Variants in ZFHX3 observed in about 807,000 individuals in gnomAD.
ZFHX3 encodes the protein zinc finger homeobox protein 3.
In ZFHX3, 42 loss-of-function variants were observed where a neutral mutation model predicts 279.1. That is an observed-to-expected ratio of 0.15 (90% confidence interval 0.12 to 0.19). The LOEUF is 0.19. Among genes scored for constraint, ZFHX3 ranks in the 10% least tolerant of loss-of-function variants. The probability of loss-of-function intolerance (pLI) is 1.00; values close to 1 mark genes in which losing one functional copy is unlikely to be tolerated. For synonymous variants in ZFHX3, 2,293 were observed against 1,957.8 expected (o/e 1.17, Z -4.52); for missense variants, 4,981 against 4,754.0 (o/e 1.05, Z -1.40).
At chr16:72,961,260 C>T (rs911333000) in intron 1 of ZFHX3, among the ~76,000 whole-genome samples, 3 of 152,330 alleles carry the variant, frequency 2.0e-5, no homozygotes, top group African/African-American at 2.4e-5. Flanking sequence ...AGTTATTAGT[C>T]GCTACCCAAC....
chr16:73,679,745 G>A (rs2052991005), intron 2 of ZFHX3: 1 of 152,118 alleles, frequency 6.6e-6, no homozygotes, highest in Non-Finnish European at 1.5e-5. Flanking sequence ...ATGCAACTAT[G>A]AGCCATCATG....
intron 7 of ZFHX3, among the ~76,000 whole-genome samples, chr16:72,808,480 C>T (rs1015651907): frequency 1.3e-5 from 2 of 152,246 alleles, no homozygotes; most frequent in Non-Finnish European, 2.9e-5. Context: ...CTCATCCTTG[C>T]ATATACATCT....
At chr16:73,739,572 T>C (rs1286736994) in intron 1 of ZFHX3, among the ~76,000 whole-genome samples, 1 of 152,154 alleles carries the variant, frequency 6.6e-6, no homozygotes, top group East Asian at 1.9e-4. Flanking sequence ...ACCTTGGTTG[T>C]TCCTGCTTCC....
upstream of ZFHX3, among the ~76,000 whole-genome samples, chr16:73,063,168 G>A (rs1965707467): frequency 6.6e-6 from 1 of 152,196 alleles, no homozygotes; most frequent in Non-Finnish European, 1.5e-5. Context: ...CGCCGCCACC[G>A]GCGGCCTCTG....
intron 4 of ZFHX3, among the ~76,000 whole-genome samples, chr16:73,309,003 G>A (rs910389683): frequency 6.6e-6 from 1 of 152,078 alleles, no homozygotes; most frequent in Non-Finnish European, 1.5e-5. Context: ...GGTTTATATA[G>A]AAAACAAGAA....
intron 3 of ZFHX3, among the ~76,000 whole-genome samples, chr16:73,424,700 G>A (rs920366216): frequency 7.2e-6 from 1 of 138,004 alleles, no homozygotes; most frequent in African/African-American, 2.8e-5. Context: ...GCTGCAGTGA[G>A]CTATGATTGC....
At chr16:72,826,874 G>A (rs1018781087) in intron 5 of ZFHX3, among the ~76,000 whole-genome samples, 7 of 152,240 alleles carry the variant, frequency 4.6e-5, no homozygotes, top group East Asian at 3.9e-4. Context: ...CTCATTTTAC[G>A]TCTTTTAGTA....
chr16:72,885,954 T>C (rs776396554), intron 4 of ZFHX3, among the ~76,000 whole-genome samples: 3 of 152,138 alleles, frequency 2.0e-5, no homozygotes, highest in Non-Finnish European at 4.4e-5. Flanking sequence ...TCCTGACCCT[T>C]ATGTTAAAGA....
chr16:73,583,272 C>A (rs2051880435), intron 2 of ZFHX3, among the ~76,000 whole-genome samples: 1 of 151,996 alleles, frequency 6.6e-6, no homozygotes, highest in African/African-American at 2.4e-5. Context: ...TGAAACAAAC[C>A]TAGAAAATCT....
intron 1 of ZFHX3, among the ~76,000 whole-genome samples, chr16:73,871,062 C>A (rs1378792333): frequency 6.6e-6 from 1 of 152,100 alleles, no homozygotes; most frequent in Non-Finnish European, 1.5e-5. Flanking sequence ...GTGGGTCAGA[C>A]GGATGAGAAT....
At chr16:72,913,986 C>G (rs1190627455) in intron 3 of ZFHX3, among the ~76,000 whole-genome samples, 1 of 152,192 alleles carries the variant, frequency 6.6e-6, no homozygotes, top group Non-Finnish European at 1.5e-5. Context: ...ACAATCCTCC[C>G]AAATGACAGT....
intron 1 of ZFHX3, among the ~76,000 whole-genome samples, chr16:73,788,052 G>A (rs1567410764): frequency 6.6e-6 from 1 of 152,090 alleles, no homozygotes; most frequent in South Asian, 2.1e-4. Flanking sequence ...CACTCTGGGA[G>A]CTAAAAAACA....
intron 1 of ZFHX3, among the ~76,000 whole-genome samples, chr16:72,992,164 T>C (rs1963118227): frequency 6.6e-6 from 1 of 152,042 alleles, no homozygotes. Flanking sequence ...AGTATCCATC[T>C]CCCTCCTTGC....
chr16:73,713,832 C>T (rs2053388810), intron 1 of ZFHX3, among the ~76,000 whole-genome samples: 1 of 152,048 alleles, frequency 6.6e-6, no homozygotes, highest in South Asian at 2.1e-4. Flanking sequence ...ATAGATTTCC[C>T]CCAAAGTTGT....
At chr16:73,189,854 G>A (rs1229889831) in intron 5 of ZFHX3, among the ~76,000 whole-genome samples, 1 of 152,174 alleles carries the variant, frequency 6.6e-6, no homozygotes, top group African/African-American at 2.4e-5. Flanking sequence ...AGTGCTTTAG[G>A]AGGCTGAGGC....
At chr16:73,589,428 G>A (rs892238017) in intron 2 of ZFHX3, among the ~76,000 whole-genome samples, 8 of 100,048 alleles carry the variant, frequency 8.0e-5, no homozygotes, top group South Asian at 4.6e-4. Flanking sequence ...AGAGCAAGAC[G>A]CTCTTTCAAA....
chr16:73,448,684 A>AAGTGTGTGTGTG lies in ZFHX3; in HGVS notation c.-1291+7318_-1291+7319insCACACACACACT, dbSNP rs1567487516. ...AAAAGGGGAAGGTGTATATTTATATACGTGTGTGTGTGTGTGTGTGTGTGT... is the reference window on the plus strand; with the variant it reads ...AAAAGGGGAAGGTGTATATTTATATAAGTGTGTGTGTGCGTGTGTGTGTGTGTGTGTGTGTGT... On this transcript the variant is annotated intron_variant, in intron 3 of 17. Transcript: ENST00000641206. Among the ~76,000 whole-genome samples, 171 of 66,892 alleles carry AAGTGTGTGTGTG rather than the reference A, an allele frequency of 2.6e-3. 1 individual carries two copies. The highest frequency in any genetic ancestry group is 6.1e-3 in the African/African-American group (158 of 25,752). The allele number at this position is 66,892 out of a possible 152,430, so 43.9% of individuals were successfully genotyped here. A position where few individuals can be genotyped will look rare whatever the true frequency, so the allele number is the denominator to read the frequency against.
chr16:73,871,147 G>GA (rs1243621984), intron 1 of ZFHX3, among the ~76,000 whole-genome samples: 2 of 152,176 alleles, frequency 1.3e-5, no homozygotes, highest in Non-Finnish European at 2.9e-5. Context: ...AAGCTACTTA[G>GA]GGGGTCAAGG....
At chr16:73,293,517 C>T (rs546491097) in intron 4 of ZFHX3, among the ~76,000 whole-genome samples, 1 of 152,320 alleles carries the variant, frequency 6.6e-6, no homozygotes, top group East Asian at 1.9e-4. Flanking sequence ...CTATTCTCCT[C>T]TATTTTCTGC....
Sources: gnomAD v4.1 joint callset for allele counts (sites outside exome capture counted in the v4.1 genomes callset) on GRCh38, gnomAD v4.1.1 for gene constraint, MANE v1.5 for transcripts, NCBI Gene and HGNC (gene_info 2026-07-23, HGNC 2026-07-21) for gene names.